Variants in TEC observed in about 807,000 individuals in gnomAD.
TEC encodes the protein tyrosine-protein kinase Tec.
A neutral mutation model predicts 93.0 loss-of-function variants in TEC; 72 were observed. The ratio of observed to expected loss-of-function variants is 0.77; its 90% CI spans 0.64 to 0.94. TEC has a LOEUF of 0.94. Ranked by LOEUF, TEC falls within the 40% of genes least tolerant of loss-of-function variation. TEC has a pLI of 0.00. For missense variants in TEC, 630 were observed against 757.9 expected (o/e 0.83, Z 1.98); for synonymous variants, 249 against 247.7 (o/e 1.01, Z -0.05).
intron 7 of TEC, among the ~76,000 whole-genome samples, chr4:48,166,853 A>G (rs181059781): frequency 2.0e-5 from 3 of 151,790 alleles, no homozygotes; most frequent in African/African-American, 4.8e-5. Context: ...ATGCCTAGGA[A>G]TCAAGCAGAA....
intron 4 of TEC, 123 bp from the exon 5 acceptor site, chr4:48,170,499 A>G: frequency 1.6e-6 from 1 of 641,358 alleles, no homozygotes; most frequent in Admixed American, 3.3e-5. Flanking sequence ...GAACGCCCTT[A>G]GATCACAGGA....
Position 48,145,427 on chromosome 4 carries a change from C to G in TEC, c.1234G>C (p.Glu412Gln). 6.2e-7 allele frequency: 1 copy of G among 1,614,148 alleles called. No homozygotes were observed. Among genetic ancestry groups the G allele is most frequent in the Non-Finnish European group, 8.5e-7 (1 of 1,180,034 alleles). Reference protein sequence around the residue: ...EGAMCEEDFIEEAKVMMKLTH... With the variant: ...EGAMCEEDFIQEAKVMMKLTH... The stretch of plus-strand genomic sequence containing the variant: ...ACTTACATCATCACTTTAGCTTCTT[C>G]TATAAAGTCCTCCTCGCACATTGCA... The change falls in exon 13 of 18, where the codon GAA (glutamate) becomes CAA (glutamine). Residue 412 changes from glutamate (E) to glutamine (Q), a missense_variant. This residue lies in a region of TEC where 289 missense variants were observed against 390.0 expected (regional missense o/e 0.74). Transcript: ENST00000381501.
At chr4:48,266,775 T>C (rs1192049804) in intron 1 of TEC, among the ~76,000 whole-genome samples, 13 of 151,090 alleles carry the variant, frequency 8.6e-5, no homozygotes, top group Non-Finnish European at 1.3e-4. Flanking sequence ...GAGGCAGAGG[T>C]TGTGGTGAGC....
chr4:48,230,222 C>A (rs1448067137), intron 1 of TEC, among the ~76,000 whole-genome samples: 1 of 152,132 alleles, frequency 6.6e-6, no homozygotes, highest in African/African-American at 2.4e-5. Context: ...ATTCTACCAT[C>A]TTCACACCCA....
intron 2 of TEC, among the ~76,000 whole-genome samples, chr4:48,199,560 A>C (rs985479906): frequency 1.5e-5 from 2 of 136,400 alleles, no homozygotes; most frequent in Non-Finnish European, 3.0e-5. Context: ...TCCGCCTCCC[A>C]GATTCAAGCA....
At chr4:48,169,913 A>G (rs1035558255) in intron 5 of TEC, among the ~76,000 whole-genome samples, 2 of 152,216 alleles carry the variant, frequency 1.3e-5, no homozygotes, top group Non-Finnish European at 2.9e-5. Flanking sequence ...GCACTGCTAC[A>G]TGAGGTTTCT....
intron 5 of TEC, among the ~76,000 whole-genome samples, chr4:48,169,638 A>G (rs988605924): frequency 2.0e-5 from 3 of 152,160 alleles, no homozygotes; most frequent in African/African-American, 7.2e-5. Flanking sequence ...AGGAAACGGT[A>G]TATCCAATCA....
chr4:48,200,525 G>A lies in TEC; in HGVS notation c.139-24339C>T, dbSNP rs182172368. ...AAGAGGAGCCCATTAGGATGCGGCA[G>A]AAATTGCTAGCTGTCTGCTTATGAC... On this transcript the variant is annotated intron_variant, in intron 2 of 17. Transcript: ENST00000381501. Among the ~76,000 whole-genome samples, 134 of 152,322 alleles carry A rather than the reference G, an allele frequency of 8.8e-4. 2 individuals are homozygous for A. Among genetic ancestry groups the A allele is most frequent in the African/African-American group, 3.2e-3 (131 of 41,578 alleles).
intron 1 of TEC, among the ~76,000 whole-genome samples, chr4:48,257,504 T>G (rs546841067): frequency 1.3e-5 from 2 of 152,310 alleles, no homozygotes; most frequent in Non-Finnish European, 2.9e-5. Context: ...AGCAGACTTC[T>G]GGACTCCAGC....
chr4:48,157,888 T>C (rs370655909), intron 8 of TEC, among the ~76,000 whole-genome samples: 2 of 152,340 alleles, frequency 1.3e-5, no homozygotes, highest in African/African-American at 4.8e-5. Flanking sequence ...TCAGAGATAC[T>C]TGCCTCTCTC....
intron 7 of TEC, among the ~76,000 whole-genome samples, chr4:48,167,458 C>A (rs1343879611): frequency 1.3e-5 from 2 of 151,990 alleles, no homozygotes. Context: ...TTAGAAAAAT[C>A]TAAGATTACT....
At chr4:48,178,833 C>T (rs1347971389) in intron 2 of TEC, among the ~76,000 whole-genome samples, 2 of 152,228 alleles carry the variant, frequency 1.3e-5, no homozygotes, top group Non-Finnish European at 2.9e-5. Flanking sequence ...CCCTTCTCCT[C>T]TGTTCCTAAA....
At chr4:48,205,573 C>T (rs1722689203) in intron 2 of TEC, among the ~76,000 whole-genome samples, 1 of 152,116 alleles carries the variant, frequency 6.6e-6, no homozygotes, top group African/African-American at 2.4e-5. Flanking sequence ...AGCCTATATG[C>T]ATTTTTTAAA....
chr4:48,252,597 A>G (rs568223100), intron 1 of TEC, among the ~76,000 whole-genome samples: 1 of 152,358 alleles, frequency 6.6e-6, no homozygotes, highest in South Asian at 2.1e-4. Context: ...AGCAGGTCTA[A>G]GAAACATTCT....
At chr4:48,248,974 G>A (rs1351024981) in intron 1 of TEC, among the ~76,000 whole-genome samples, 1 of 150,572 alleles carries the variant, frequency 6.6e-6, no homozygotes, top group Non-Finnish European at 1.5e-5. Flanking sequence ...TTGTGTAATC[G>A]TGTGTCAAGT....
intron 12 of TEC, 86 bp downstream of exon 12, chr4:48,146,239 T>G: frequency 7.8e-7 from 1 of 1,279,060 alleles, no homozygotes; most frequent in Non-Finnish European, 1.1e-6. Flanking sequence ...TTCCAGTATG[T>G]GAAATAGTAC....
intron 1 of TEC, among the ~76,000 whole-genome samples, chr4:48,266,429 AT>A (rs1724639542): frequency 6.6e-6 from 1 of 152,214 alleles, no homozygotes. Flanking sequence ...GGAAAACGAA[AT>A]TGACAAAATA....
intron 2 of TEC, among the ~76,000 whole-genome samples, chr4:48,196,623 A>G (rs542376241): frequency 6.6e-6 from 1 of 152,280 alleles, no homozygotes; most frequent in South Asian, 2.1e-4. Flanking sequence ...CCTCACACCT[A>G]CCTTCTAGAC....
intron 1 of TEC, among the ~76,000 whole-genome samples, chr4:48,234,143 A>C (rs1300378470): frequency 1.3e-5 from 2 of 152,234 alleles, no homozygotes; most frequent in Non-Finnish European, 2.9e-5. Flanking sequence ...GAAGACAATG[A>C]AGAAAAACTC....
Sources: gnomAD v4.1 joint callset for allele counts (sites outside exome capture counted in the v4.1 genomes callset) on GRCh38, gnomAD v4.1.1 for gene constraint, gnomAD v4.1.1 regional missense constraint, MANE v1.5 for transcripts, NCBI Gene and HGNC (gene_info 2026-07-23, HGNC 2026-07-21) for gene names.